Variants in RAD18 observed in about 807,000 individuals in gnomAD.
RAD18 encodes the protein E3 ubiquitin-protein ligase RAD18.
In RAD18, 47 loss-of-function variants were observed where a neutral mutation model predicts 60.4. The ratio of observed to expected loss-of-function variants is 0.78; its 90% CI spans 0.62 to 0.99. The LOEUF is 0.99. RAD18 is among the 50% of genes least tolerant of loss of function. RAD18 has a pLI of 0.00. For missense variants in RAD18, 640 were observed against 593.3 expected (o/e 1.08, Z -0.82); for synonymous variants, 225 against 195.5 (o/e 1.15, Z -1.26).
rs138815376 is a variant in RAD18 at position 8,934,060 on chromosome 3, G to A, written c.889+1811C>T. Among the ~76,000 whole-genome samples the A allele has an allele frequency of 5.8e-4, 89 of 152,170 alleles. No homozygotes were observed. In the East Asian group the frequency reaches 0.013, roughly 22 times the overall value. ...GGGAGAAGGGATGGCATTTCAATGA[G>A]TGGTGCTGCATCAATTGGTTATTCA... On this transcript the variant is annotated intron_variant, in intron 7 of 12. Coordinates refer to ENST00000264926, the MANE Select transcript of RAD18 (RefSeq NM_020165.4).
At chr3:8,902,265 T>G in intron 10 of RAD18, 115 bp downstream of exon 10, 1 of 999,242 alleles carries the variant, frequency 1.0e-6, no homozygotes, top group Non-Finnish European at 1.4e-6. Flanking sequence ...AAAAATACTT[T>G]TTCTCATTTC....
At chr3:8,896,365 T>C (rs902672111) in intron 11 of RAD18, among the ~76,000 whole-genome samples, 2 of 152,216 alleles carry the variant, frequency 1.3e-5, no homozygotes, top group Non-Finnish European at 2.9e-5. Context: ...AACTTTAATA[T>C]GTCACCTGTT....
rs186017614 is a variant in RAD18, at chr3:8,893,361, C to T, written c.1323-2910G>A. 5.9e-4 allele frequency among the ~76,000 whole-genome samples: 90 copies of T among 152,230 alleles called. No homozygotes were observed. In the South Asian group the frequency reaches 6.6e-3, roughly 11 times the overall value. On this transcript the variant is annotated intron_variant, in intron 11 of 12. Transcript: ENST00000264926. ...CCCTTAATTGTGGCACTAATTTGAACGTGGTTGAGTATATCCAATTTAAAA... is the reference window on the plus strand; with the variant it reads ...CCCTTAATTGTGGCACTAATTTGAATGTGGTTGAGTATATCCAATTTAAAA...
intron 2 of RAD18, among the ~76,000 whole-genome samples, chr3:8,956,339 C>A (rs151140384): frequency 6.6e-6 from 1 of 152,324 alleles, no homozygotes; most frequent in African/African-American, 2.4e-5. Context: ...AACAGTCAAT[C>A]TGGTAACCAG....
At chr3:8,892,304 G>A (rs772739909) in intron 11 of RAD18, among the ~76,000 whole-genome samples, 2 of 152,132 alleles carry the variant, frequency 1.3e-5, no homozygotes, top group African/African-American at 2.4e-5. Flanking sequence ...GTACATGAAC[G>A]TTACAGCTCC....
chr3:8,952,849 C>T (rs1171914329), intron 2 of RAD18, among the ~76,000 whole-genome samples: 1 of 152,138 alleles, frequency 6.6e-6, no homozygotes, highest in East Asian at 1.9e-4. Flanking sequence ...CACCAGAGTC[C>T]AGACTCTTAA....
At chr3:8,916,867 G>C (rs1198944989) in intron 7 of RAD18, among the ~76,000 whole-genome samples, 5 of 151,924 alleles carry the variant, frequency 3.3e-5, no homozygotes, top group Non-Finnish European at 5.9e-5. Context: ...ACAATATCAA[G>C]AAATATACAC....
intron 7 of RAD18, among the ~76,000 whole-genome samples, chr3:8,919,956 T>C (rs1450891134): frequency 2.0e-5 from 3 of 152,196 alleles, no homozygotes; most frequent in African/African-American, 4.8e-5. Flanking sequence ...GTTAAAAATC[T>C]GTGAATCCAT....
At chr3:8,934,100 A>G (rs1011934973) in intron 7 of RAD18, among the ~76,000 whole-genome samples, 2 of 152,212 alleles carry the variant, frequency 1.3e-5, no homozygotes, top group Non-Finnish European at 2.9e-5. Context: ...GAAAGAAAAC[A>G]AGACAATCTT....
At chr3:8,923,283 C>G (rs566351497) in intron 7 of RAD18, among the ~76,000 whole-genome samples, 1 of 152,244 alleles carries the variant, frequency 6.6e-6, no homozygotes, top group East Asian at 1.9e-4. Flanking sequence ...GCCTCAGTAG[C>G]CGATTCGATC....
chr3:8,894,855 C>A (rs759235675), intron 11 of RAD18, among the ~76,000 whole-genome samples: 1 of 150,720 alleles, frequency 6.6e-6, no homozygotes, highest in Non-Finnish European at 1.5e-5. Context: ...CCGCCTCCCA[C>A]GTTCAAGCAA....
chr3:8,902,465 G>A lies in RAD18; in HGVS notation c.1083C>T (p.Tyr361=), dbSNP rs1939929988. 1 of 1,609,708 alleles carries A rather than the reference G, an allele frequency of 6.2e-7. No individual in the cohort carries two copies. Among genetic ancestry groups the A allele is most frequent in the Non-Finnish European group, 8.5e-7 (1 of 1,177,422 alleles). Residue 361 remains tyrosine (Y), a synonymous_variant, in exon 10 of 13, where the codon TAC becomes TAT. Coordinates refer to ENST00000264926, the MANE Select transcript of RAD18 (RefSeq NM_020165.4). ...TTTGTGACATTCCAGCAATTTTCTTGTATCCTTTTCTAGCCTGATCCACCA... is the reference window on the plus strand; with the variant it reads ...TTTGTGACATTCCAGCAATTTTCTTATATCCTTTTCTAGCCTGATCCACCA... ...QLLVDQARKG[Y]KKIAGMSQKT...
In RAD18 at chr3:8,877,590, A is replaced by C. The variant is rs1450610389; in HGVS notation, c.*3767T>G. 1 of 152,204 alleles carries C rather than the reference A, an allele frequency of 6.6e-6. No individual in the cohort carries two copies. The highest frequency in any genetic ancestry group is 6.5e-5 in the Admixed American group (1 of 15,286). The allele number at this position is 152,204 out of a possible 1,614,324, so 9.4% of individuals were successfully genotyped here. A position where few individuals can be genotyped will look rare whatever the true frequency, so the allele number is the denominator to read the frequency against. ...CTATGGCAAGAGTTTATAGGCAAAA[A>C]CAAAATCCGTCCATTGCATGTTTGA... On this transcript the variant is annotated 3_prime_UTR_variant, in exon 13 of 13. Coordinates refer to ENST00000264926, the MANE Select transcript of RAD18 (RefSeq NM_020165.4).
At chr3:8,944,164 C>T (rs1296181833) in intron 4 of RAD18, among the ~76,000 whole-genome samples, 1 of 152,136 alleles carries the variant, frequency 6.6e-6, no homozygotes, top group Non-Finnish European at 1.5e-5. Flanking sequence ...ATATTATGAA[C>T]ACTTTAAAAC....
At chr3:8,962,227 C>T (rs1027576760) in intron 1 of RAD18, among the ~76,000 whole-genome samples, 5 of 152,140 alleles carry the variant, frequency 3.3e-5, no homozygotes, top group Non-Finnish European at 7.4e-5. Context: ...AGTTACTAAC[C>T]GAAGGTCATA....
chr3:8,913,559 AT>A, intron 8 of RAD18, 84 bp downstream of exon 8: 1 of 1,011,900 alleles, frequency 9.9e-7, no homozygotes, highest in Non-Finnish European at 1.4e-6. Flanking sequence ...AAATGAATAA[AT>A]TTAATAATGG....
At chr3:8,899,308 G>GC (rs1939858864) in intron 10 of RAD18, among the ~76,000 whole-genome samples, 2 of 152,146 alleles carry the variant, frequency 1.3e-5, no homozygotes, top group Admixed American at 6.5e-5. Context: ...GAAGAATCTT[G>GC]TAATTCTAAT....
chr3:8,942,068 A>G (rs1215467950), intron 4 of RAD18, among the ~76,000 whole-genome samples: 1 of 152,172 alleles, frequency 6.6e-6, no homozygotes, highest in Non-Finnish European at 1.5e-5. Flanking sequence ...ATCTCCAACC[A>G]TAAGTAACTT....
At position 8,881,241 on chromosome 3, in the gene RAD18, G is replaced by A. The variant is rs113306262; in HGVS notation, c.*116C>T. ...AGAAAAGAATGAATATCAGCTAACCGTAATATTTAGAATTTAGCATCTTTC... is the reference window on the plus strand; with the variant it reads ...AGAAAAGAATGAATATCAGCTAACCATAATATTTAGAATTTAGCATCTTTC... On this transcript the variant is annotated 3_prime_UTR_variant, in exon 13 of 13. Transcript: ENST00000264926. 30 of 825,326 alleles carry A rather than the reference G, an allele frequency of 3.6e-5. No homozygotes were observed. In the Admixed American group the frequency reaches 3.8e-4, roughly 11 times the overall value. 51.1% of individuals were successfully genotyped at this position (825,326 alleles called of 1,614,324 possible). A position where few individuals can be genotyped will look rare whatever the true frequency, so the allele number is the denominator to read the frequency against.
Sources: allele counts gnomAD v4.1 joint callset (sites outside exome capture counted in the v4.1 genomes callset), GRCh38; gene constraint gnomAD v4.1.1; transcripts MANE v1.5; gene names NCBI Gene and HGNC (gene_info 2026-07-23, HGNC 2026-07-21).